The following PRKG2 variants were observed in gnomAD, a reference collection of about 807,000 sequenced individuals.
The protein encoded by PRKG2 is protein kinase cGMP-dependent 2.
Under a neutral mutation model 97.2 loss-of-function variants are expected in PRKG2, and 33 were observed. The observed-to-expected ratio is 0.34, with a 90% CI of 0.26 to 0.45. The LOEUF (loss-of-function observed/expected upper bound fraction) is 0.45. PRKG2 is among the 20% of genes least tolerant of loss of function. The pLI is 1.00. For synonymous variants in PRKG2, 330 were observed against 321.8 expected, an observed-to-expected ratio of 1.03 and a Z score of -0.27; for missense variants, 638 against 900.0, an observed-to-expected ratio of 0.71 and a Z score of 3.73.
chr4:81,202,679 TAGAC>T (rs1312070230), intron 2 of PRKG2, among the ~76,000 whole-genome samples: 2 of 152,080 alleles, frequency 1.3e-5, no homozygotes, highest in Admixed American at 6.5e-5. Flanking sequence ...CCATTCACTA[TAGAC>T]AGACAGAAAG....
At chr4:81,174,190 G>C (rs75921700) in intron 3 of PRKG2, among the ~76,000 whole-genome samples, 1 of 151,836 alleles carries the variant, frequency 6.6e-6, no homozygotes, top group Non-Finnish European at 1.5e-5. Flanking sequence ...TAAAAACACC[G>C]GTTTTAATTG....
intron 2 of PRKG2, among the ~76,000 whole-genome samples, chr4:81,199,467 G>C (rs1018477350): frequency 6.6e-6 from 1 of 151,978 alleles, no homozygotes; most frequent in Non-Finnish European, 1.5e-5. Context: ...TCTGGACAGC[G>C]GGTTTTCTGA....
In PRKG2 at chr4:81,105,839, A is replaced by G. The variant is rs1411714350; in HGVS notation, c.2037T>C (p.Pro679=). 6.2e-7 allele frequency: 1 copy of G among 1,613,830 alleles called. No homozygotes were observed. The highest frequency in any genetic ancestry group is 1.1e-5 in the South Asian group (1 of 91,076). The change falls in exon 16 of 19, where the codon CCT becomes CCC. Residue 679 remains proline, a synonymous_variant. Coordinates refer to ENST00000264399, the MANE Select transcript of PRKG2 (RefSeq NM_006259.3). Reference sequence around the variant, plus strand: ...TGCAAAGCCTCCGAATCAAATCCTCAGGTCGTCGTGTTATCTTCCTGGGAA... The same window carrying G: ...TGCAAAGCCTCCGAATCAAATCCTCGGGTCGTCGTGTTATCTTCCTGGGAA... ...MDFPRKITRR[P]EDLIRRLCRQ...
chr4:81,146,764 G>A (rs1747894978), intron 9 of PRKG2, among the ~76,000 whole-genome samples: 1 of 152,110 alleles, frequency 6.6e-6, no homozygotes, highest in Non-Finnish European at 1.5e-5. Context: ...AGAGACAGAT[G>A]TTAAATAAAA....
At chr4:81,182,522 G>A (rs1163945053) in intron 2 of PRKG2, among the ~76,000 whole-genome samples, 2 of 151,808 alleles carry the variant, frequency 1.3e-5, no homozygotes, top group Non-Finnish European at 2.9e-5. Flanking sequence ...TGAATCAGAA[G>A]TCTGAGCAAA....
At chr4:81,157,292 C>G (rs1193837530) in intron 6 of PRKG2, among the ~76,000 whole-genome samples, 1 of 152,162 alleles carries the variant, frequency 6.6e-6, no homozygotes, top group Non-Finnish European at 1.5e-5. Context: ...TCAGAGAATA[C>G]TACAAACACC....
At chr4:81,169,467 A>C (rs1279720690) in intron 5 of PRKG2, among the ~76,000 whole-genome samples, 196 bp downstream of exon 5, 4 of 152,100 alleles carry the variant, frequency 2.6e-5, no homozygotes, top group Admixed American at 1.3e-4. Context: ...ATAAATGAGT[A>C]TACAAGGATA....
At chr4:81,154,788 C>A (rs1015501879) in intron 6 of PRKG2, among the ~76,000 whole-genome samples, 1 of 152,080 alleles carries the variant, frequency 6.6e-6, no homozygotes, top group Admixed American at 6.6e-5. Context: ...TGACGAGCTG[C>A]GAGAAGAAGG....
intron 17 of PRKG2, among the ~76,000 whole-genome samples, chr4:81,100,901 C>T (rs570084879): frequency 6.6e-5 from 10 of 152,202 alleles, no homozygotes; most frequent in East Asian, 1.9e-4. Flanking sequence ...AACAAGTGGG[C>T]GAAGGATATG....
intron 14 of PRKG2, among the ~76,000 whole-genome samples, chr4:81,127,427 G>A (rs1016492922): frequency 1.3e-5 from 2 of 151,926 alleles, no homozygotes; most frequent in Admixed American, 6.6e-5. Flanking sequence ...GCTTGATGGG[G>A]ATAGCATTGA....
chr4:81,159,638 T>A (rs1749432060), intron 6 of PRKG2, among the ~76,000 whole-genome samples: 1 of 152,164 alleles, frequency 6.6e-6, no homozygotes, highest in African/African-American at 2.4e-5. Context: ...TAAATCATGC[T>A]GCTATAAAGA....
chr4:81,181,619 CACA>C (rs1218074913), intron 2 of PRKG2, among the ~76,000 whole-genome samples: 1 of 138,798 alleles, frequency 7.2e-6, no homozygotes, highest in Non-Finnish European at 1.5e-5. Context: ...AATGATAATT[CACA>C]ACAAGACAGG....
intron 17 of PRKG2, among the ~76,000 whole-genome samples, chr4:81,097,193 T>C (rs1742205837): frequency 6.6e-6 from 1 of 152,144 alleles, no homozygotes; most frequent in Non-Finnish European, 1.5e-5. Flanking sequence ...TACTCCTTGG[T>C]TCCTGGGCTG....
In PRKG2 at chr4:81,169,749, T is replaced by C. The variant is rs1292692248; in HGVS notation, c.762A>G (p.Thr254=). ...ASVKAITNVK[T]WALDREVFQN... is the part of the protein sequence containing the mutation. ...GGAATACCTCTCGATCTAGTGCCCA[T>C]GTTTTAACATTGGTAATAGCTTTAG... The change falls in exon 5 of 19, where the codon ACA becomes ACG. Residue 254 remains threonine (T), a synonymous_variant. Transcript: ENST00000264399. 1.2e-6 allele frequency: 2 copies of C among 1,606,834 alleles called. No homozygotes were observed. The highest frequency in any genetic ancestry group is 8.5e-7 in the Non-Finnish European group (1 of 1,176,090).
chr4:81,183,345 G>A (rs1238931780), intron 2 of PRKG2, among the ~76,000 whole-genome samples: 4 of 152,070 alleles, frequency 2.6e-5, no homozygotes, highest in African/African-American at 9.7e-5. Context: ...CGGAGGGCAA[G>A]CTGAGCAGGG....
chr4:81,089,527 T>C lies in PRKG2; in HGVS notation c.*181A>G, dbSNP rs1741340992. 2.1e-6 allele frequency: 1 copy of C among 483,492 alleles called. No homozygotes were observed. Among genetic ancestry groups the C allele is most frequent in the Non-Finnish European group, 3.6e-6 (1 of 276,120 alleles). 30.0% of individuals were successfully genotyped at this position (483,492 alleles called of 1,614,324 possible). On this transcript the variant is annotated 3_prime_UTR_variant, in exon 19 of 19. Transcript: ENST00000264399. ...ACATCAATAATTCACAGCATCTAAA[T>C]AAGACACTATAACTCAGAACCATAT...
intron 2 of PRKG2, among the ~76,000 whole-genome samples, chr4:81,199,926 T>A (rs981307642): frequency 6.6e-6 from 1 of 152,220 alleles, no homozygotes; most frequent in Non-Finnish European, 1.5e-5. Context: ...TGAAGTCAGA[T>A]GGCAAGTCTT....
At chr4:81,131,344 T>C (rs1024949426) in intron 14 of PRKG2, among the ~76,000 whole-genome samples, 15 of 149,372 alleles carry the variant, frequency 1.0e-4, no homozygotes, top group South Asian at 2.1e-4. Flanking sequence ...GTATCTCAGT[T>C]AGAAATGCAG....
chr4:81,156,070 C>T (rs1039049858), intron 6 of PRKG2, among the ~76,000 whole-genome samples: 1 of 151,918 alleles, frequency 6.6e-6, no homozygotes, highest in Non-Finnish European at 1.5e-5. Context: ...ATCAAATTCA[C>T]ACATAACAAT....
Sources: gnomAD v4.1 joint callset for allele counts (sites outside exome capture counted in the v4.1 genomes callset) on GRCh38, gnomAD v4.1.1 for gene constraint, MANE v1.5 for transcripts, NCBI Gene and HGNC (gene_info 2026-07-23, HGNC 2026-07-21) for gene names.